The following GPM6A variants were observed in gnomAD, a reference collection of about 807,000 sequenced individuals.
GPM6A encodes the protein glycoprotein M6A.
In GPM6A, 7 loss-of-function variants were observed where a neutral mutation model predicts 32.1. That is an observed-to-expected ratio of 0.22 (90% CI 0.12 to 0.41). GPM6A has a LOEUF of 0.41. GPM6A is among the 10% of genes least tolerant of loss of function. GPM6A has a pLI of 1.00. For synonymous variants in GPM6A, 130 were observed against 123.4 expected (o/e 1.05, Z -0.35); for missense variants, 235 against 347.2 (o/e 0.68, Z 2.57).
intron 1 of GPM6A, among the ~76,000 whole-genome samples, chr4:175,868,140 C>T (rs1736797554): frequency 6.6e-6 from 1 of 152,190 alleles, no homozygotes; most frequent in Admixed American, 6.5e-5. Flanking sequence ...TTCTTATCCT[C>T]ATGAGTCTTT....
At chr4:175,945,928 T>C (rs6857508) in intron 1 of GPM6A, among the ~76,000 whole-genome samples, 2 of 151,122 alleles carry the variant, frequency 1.3e-5, no homozygotes, top group African/African-American at 2.4e-5. Context: ...ATATTACTTA[T>C]AACTAAGTAA....
chr4:175,991,350 A>G (rs1047886350), intron 1 of GPM6A, among the ~76,000 whole-genome samples: 1 of 151,602 alleles, frequency 6.6e-6, no homozygotes, highest in Non-Finnish European at 1.5e-5. Flanking sequence ...TACTTGGATT[A>G]CAGGCATAGC....
intron 1 of GPM6A, among the ~76,000 whole-genome samples, chr4:176,001,302 G>A (rs1257373196): frequency 1.3e-5 from 2 of 152,206 alleles, no homozygotes; most frequent in Non-Finnish European, 2.9e-5. Context: ...AAGTGAGCGG[G>A]CTGGGGTTGG....
At chr4:175,768,398 A>C (rs1294519765) in intron 1 of GPM6A, among the ~76,000 whole-genome samples, 1 of 152,214 alleles carries the variant, frequency 6.6e-6, no homozygotes, top group Non-Finnish European at 1.5e-5. Context: ...AATTCTTTCC[A>C]TAGAAGATGT....
chr4:175,891,363 G>A (rs1737643240), intron 1 of GPM6A: 1 of 152,014 alleles, frequency 6.6e-6, no homozygotes, highest in African/African-American at 2.4e-5. Context: ...CTTCTTTTAG[G>A]TAAGATTTGA....
intron 1 of GPM6A, among the ~76,000 whole-genome samples, chr4:175,705,241 G>A (rs1053466455): frequency 4.6e-5 from 7 of 152,128 alleles, no homozygotes; most frequent in Non-Finnish European, 1.0e-4. Context: ...ATGAGTGTAA[G>A]GTCTTTTTAC....
intron 1 of GPM6A, among the ~76,000 whole-genome samples, chr4:175,807,866 T>C (rs1734756796): frequency 6.6e-6 from 1 of 152,232 alleles, no homozygotes; most frequent in Non-Finnish European, 1.5e-5. Flanking sequence ...TCATTCTGAT[T>C]GCATTGAGCC....
intron 3 of GPM6A, among the ~76,000 whole-genome samples, 173 bp downstream of exon 3, chr4:175,673,507 C>A (rs1442720157): frequency 6.6e-6 from 1 of 151,630 alleles, no homozygotes; most frequent in Non-Finnish European, 1.5e-5. Context: ...TGAATTTTCA[C>A]AAGGAATAAT....
At chr4:175,836,165 T>C (rs1735762692) in intron 1 of GPM6A, among the ~76,000 whole-genome samples, 1 of 152,174 alleles carries the variant, frequency 6.6e-6, no homozygotes, top group Non-Finnish European at 1.5e-5. Context: ...GTTACTGATA[T>C]TCCCTGAACA....
chr4:175,765,633 T>C (rs1001399444), intron 1 of GPM6A, among the ~76,000 whole-genome samples: 2 of 152,206 alleles, frequency 1.3e-5, no homozygotes, highest in African/African-American at 4.8e-5. Flanking sequence ...ATTTCTTCAA[T>C]CTAGCAGTAT....
At chr4:175,799,752 G>A (rs1220512590) in intron 1 of GPM6A, among the ~76,000 whole-genome samples, 1 of 129,178 alleles carries the variant, frequency 7.7e-6, no homozygotes, top group Non-Finnish European at 1.7e-5. Flanking sequence ...TCGGCTCACT[G>A]CAAGCTCCGC....
intron 1 of GPM6A, among the ~76,000 whole-genome samples, chr4:175,960,980 G>A (rs533150396): frequency 4.4e-4 from 67 of 152,272 alleles, no homozygotes; most frequent in African/African-American, 1.5e-3. Flanking sequence ...ATTTGATGAG[G>A]ACATACTGTT....
rs146185275 is a variant in GPM6A, at chr4:175,766,155, G to A, written c.37+46036C>T. ...TCACAGTAAGAGATAAATATTCTTC[G>A]TTTAAGTAGAAAGTTCATATGGCAC... is the stretch of plus-strand genomic sequence containing the variant. On this transcript the variant is annotated intron_variant, in intron 1 of 6. Coordinates refer to ENST00000393658, the MANE Select transcript of GPM6A (RefSeq NM_201591.3). Among the ~76,000 whole-genome samples the A allele has an allele frequency of 9.0e-4, 137 of 152,210 alleles. 1 individual carries two copies. Among genetic ancestry groups the A allele is most frequent in the Non-Finnish European group, 1.3e-3 (87 of 68,010 alleles).
At chr4:175,975,838 C>T (rs1317181166) in intron 1 of GPM6A, among the ~76,000 whole-genome samples, 1 of 152,064 alleles carries the variant, frequency 6.6e-6, no homozygotes, top group African/African-American at 2.4e-5. Flanking sequence ...AGAAAAAGCA[C>T]CCAAAAATAA....
chr4:175,758,547 G>A (rs1209851593), intron 1 of GPM6A, among the ~76,000 whole-genome samples: 1 of 152,132 alleles, frequency 6.6e-6, no homozygotes, highest in Non-Finnish European at 1.5e-5. Context: ...GGAGACACTG[G>A]CAGAGAGTGT....
intron 1 of GPM6A, among the ~76,000 whole-genome samples, chr4:175,962,678 A>G (rs1740204716): frequency 6.6e-6 from 1 of 152,174 alleles, no homozygotes; most frequent in African/African-American, 2.4e-5. Flanking sequence ...GAAACTAGTA[A>G]ACACGGCCTA....
chr4:175,650,131 G>A (rs1043632349), intron 4 of GPM6A, among the ~76,000 whole-genome samples: 2 of 152,016 alleles, frequency 1.3e-5, no homozygotes, highest in Admixed American at 6.6e-5. Context: ...TGCCAAGAAC[G>A]TCACCCATAG....
intron 1 of GPM6A, among the ~76,000 whole-genome samples, chr4:175,892,575 AG>A (rs1737680789): frequency 6.6e-6 from 1 of 152,102 alleles, no homozygotes; most frequent in South Asian, 2.1e-4. Context: ...ACTTTGTAAG[AG>A]AGAGTGAAGG....
At chr4:176,001,666 C>A (rs1228524472) in intron 1 of GPM6A, among the ~76,000 whole-genome samples, 2 of 152,146 alleles carry the variant, frequency 1.3e-5, no homozygotes, top group African/African-American at 4.8e-5. Flanking sequence ...CCCTTTTAAT[C>A]ACGCTGTTTA....
Sources: gnomAD v4.1 joint callset for allele counts (sites outside exome capture counted in the v4.1 genomes callset) on GRCh38, gnomAD v4.1.1 for gene constraint, MANE v1.5 for transcripts, NCBI Gene and HGNC (gene_info 2026-07-23, HGNC 2026-07-21) for gene names.